GRIA4: variants seen among roughly 807,000 people sequenced by gnomAD.
GRIA4 encodes the protein glutamate ionotropic receptor AMPA type subunit 4, also known as glutamate receptor 4.
GRIA4 carries 34 observed loss-of-function variants against 104.0 expected under a neutral mutation model. The observed-to-expected ratio is 0.33, with a 90% confidence interval of 0.25 to 0.44. The LOEUF (loss-of-function observed/expected upper bound fraction) is 0.44. Among genes scored for constraint, GRIA4 ranks in the 20% least tolerant of loss-of-function variants. The pLI is 1.00. For missense variants in GRIA4, 750 were observed against 1,096.5 expected (o/e 0.68, Z 4.46); for synonymous variants, 386 against 381.9 (o/e 1.01, Z -0.13).
chr11:105,910,293 AC>A, intron 9 of GRIA4, 141 bp from the exon 10 acceptor site: 1 of 598,796 alleles, frequency 1.7e-6, no homozygotes, highest in Non-Finnish European at 3.0e-6. Context: ...ACTTCTGAAC[AC>A]TTTTTTTTTT....
chr11:105,688,924 T>C (rs191434406), intron 3 of GRIA4, among the ~76,000 whole-genome samples: 45 of 152,190 alleles, frequency 3.0e-4, no homozygotes, highest in Middle Eastern at 3.4e-3. Flanking sequence ...AAGGAAGGCA[T>C]TTCTGATGAG....
At chr11:105,726,627 G>T (rs1049259062) in intron 3 of GRIA4, among the ~76,000 whole-genome samples, 1 of 152,120 alleles carries the variant, frequency 6.6e-6, no homozygotes. Context: ...ACCTCATACA[G>T]GAGAGCTCTG....
At chr11:105,935,618 T>C (rs1025981849) in intron 14 of GRIA4, among the ~76,000 whole-genome samples, 3 of 152,194 alleles carry the variant, frequency 2.0e-5, no homozygotes, top group African/African-American at 4.8e-5. Flanking sequence ...GTGATTGATA[T>C]GTAGATCAGT....
At chr11:105,615,455 T>C (rs1377894595) in intron 3 of GRIA4, among the ~76,000 whole-genome samples, 1 of 151,788 alleles carries the variant, frequency 6.6e-6, no homozygotes, top group African/African-American at 2.4e-5. Flanking sequence ...TTGATGAATA[T>C]TAAACTAAAA....
Position 105,938,722 on chromosome 11 carries a change from C to T in GRIA4, c.2294+4753C>T, listed in dbSNP as rs545438183. 2.6e-5 allele frequency among the ~76,000 whole-genome samples: 4 copies of T among 152,220 alleles called. No homozygotes were observed. The South Asian group carries it at 8.3e-4, about 32-fold the overall frequency. ...CATACACACACAAGCACACATAAAT[C>T]TTTTCTGAGATATGCTTACAAGAGC... is the stretch of plus-strand genomic sequence containing the variant. On this transcript the variant is annotated intron_variant, in intron 14 of 16. Coordinates refer to ENST00000282499, the MANE Select transcript of GRIA4 (RefSeq NM_000829.4).
At chr11:105,909,058 A>G (rs1947141257) in intron 9 of GRIA4, among the ~76,000 whole-genome samples, 1 of 152,158 alleles carries the variant, frequency 6.6e-6, no homozygotes, top group Admixed American at 6.6e-5. Flanking sequence ...ATTCACAGGG[A>G]CTATTGAAAA....
At chr11:105,667,687 G>A (rs1001456711) in intron 3 of GRIA4, among the ~76,000 whole-genome samples, 1 of 151,826 alleles carries the variant, frequency 6.6e-6, no homozygotes, top group African/African-American at 2.4e-5. Context: ...CACCTTTATT[G>A]AGGTATAGTT....
chr11:105,749,488 C>T (rs1354975537), intron 3 of GRIA4, among the ~76,000 whole-genome samples: 1 of 152,186 alleles, frequency 6.6e-6, no homozygotes, highest in African/African-American at 2.4e-5. Context: ...AAGAACAGTG[C>T]TCTTCCTCAC....
At chr11:105,652,969 A>T (rs1429466504) in intron 3 of GRIA4, among the ~76,000 whole-genome samples, 1 of 152,134 alleles carries the variant, frequency 6.6e-6, no homozygotes, top group Non-Finnish European at 1.5e-5. Flanking sequence ...GTGCAGTGGC[A>T]CGATCTTGGC....
chr11:105,935,375 C>A (rs969960709), intron 14 of GRIA4, among the ~76,000 whole-genome samples: 1 of 152,078 alleles, frequency 6.6e-6, no homozygotes, highest in Non-Finnish European at 1.5e-5. Flanking sequence ...AGGGAGAAAG[C>A]CAAACAAATA....
chr11:105,874,456 A>G (rs1359485779), intron 5 of GRIA4, among the ~76,000 whole-genome samples: 2 of 152,178 alleles, frequency 1.3e-5, no homozygotes, highest in Admixed American at 1.3e-4. Flanking sequence ...CCGGTGAAGA[A>G]AGTCAGTGGT....
chr11:105,763,542 T>C (rs928820656), intron 4 of GRIA4, among the ~76,000 whole-genome samples: 2 of 152,174 alleles, frequency 1.3e-5, no homozygotes, highest in Non-Finnish European at 2.9e-5. Context: ...ATCTACTGTC[T>C]GGTAACAAAT....
intron 5 of GRIA4, 34 bp downstream of exon 5, chr11:105,862,242 C>T: frequency 8.1e-7 from 1 of 1,238,682 alleles, no homozygotes; most frequent in Non-Finnish European, 1.2e-6. Context: ...TAACCTAGAC[C>T]CTATACAGAA....
Position 105,714,951 on chromosome 11 carries a change from G to C in GRIA4, c.248-38030G>C, listed in dbSNP as rs114353376. ...AAACCATCAGCTTTTCTGGTCTCCA[G>C]TGTAAGAGCTTCACCTTCAACCAGT... On this transcript the variant is annotated intron_variant, in intron 3 of 16. Transcript: ENST00000282499. 8.0e-3 allele frequency among the ~76,000 whole-genome samples: 1,216 copies of C among 152,188 alleles called. 29 individuals carry two copies. Among genetic ancestry groups the C allele is most frequent in the African/African-American group, 0.028 (1,157 of 41,530 alleles).
At chr11:105,944,584 G>C (rs5009372) in intron 14 of GRIA4, among the ~76,000 whole-genome samples, 3 of 27,884 alleles carry the variant, frequency 1.1e-4, no homozygotes, top group Non-Finnish European at 2.2e-4. Context: ...TACATAAATG[G>C]AAAAAAAAAA....
At chr11:105,836,108 G>C (rs1486730651) in intron 4 of GRIA4, among the ~76,000 whole-genome samples, 1 of 151,990 alleles carries the variant, frequency 6.6e-6, no homozygotes, top group African/African-American at 2.4e-5. Context: ...CCCCTAAGCT[G>C]GTAGAAATAG....
chr11:105,776,985 T>C (rs1160741253), intron 4 of GRIA4, among the ~76,000 whole-genome samples: 1 of 152,150 alleles, frequency 6.6e-6, no homozygotes, highest in Non-Finnish European at 1.5e-5. Context: ...ATGCACGTGG[T>C]ACCCAGTTTT....
At chr11:105,969,605 G>T (rs1858577181) in intron 14 of GRIA4, among the ~76,000 whole-genome samples, 1 of 152,112 alleles carries the variant, frequency 6.6e-6, no homozygotes, top group Non-Finnish European at 1.5e-5. Flanking sequence ...CCTTCTTGAA[G>T]AAACTTAAAG....
chr11:105,829,598 C>T (rs1275034839), intron 4 of GRIA4, among the ~76,000 whole-genome samples: 1 of 151,808 alleles, frequency 6.6e-6, no homozygotes, highest in East Asian at 2.0e-4. Context: ...AGTCCTAGTG[C>T]CCGAGGGACC....
Sources: gnomAD v4.1 joint callset for allele counts (sites outside exome capture counted in the v4.1 genomes callset) on GRCh38, gnomAD v4.1.1 for gene constraint, MANE v1.5 for transcripts, NCBI Gene and HGNC (gene_info 2026-07-23, HGNC 2026-07-21) for gene names.